Variants in CSRNP3 observed in about 807,000 individuals in gnomAD.
CSRNP3 encodes cysteine/serine-rich nuclear protein 3.
A neutral mutation model predicts 48.0 loss-of-function variants in CSRNP3; 12 were observed. The observed-to-expected ratio is 0.25, with a 90% CI of 0.16 to 0.41. The LOEUF (loss-of-function observed/expected upper bound fraction) is 0.41, where lower values mean the gene tolerates loss of function less well. Among genes scored for constraint, CSRNP3 ranks in the 10% least tolerant of loss-of-function variants. The probability of loss-of-function intolerance (pLI) is 1.00; values close to 1 mark genes in which losing one functional copy is unlikely to be tolerated. For synonymous variants in CSRNP3, 263 were observed against 269.7 expected (o/e 0.98, Z 0.24); for missense variants, 580 against 724.4 (o/e 0.80, Z 2.29).
intron 3 of CSRNP3, among the ~76,000 whole-genome samples, chr2:165,553,296 T>C (rs1384995857): frequency 6.6e-6 from 1 of 152,162 alleles, no homozygotes; most frequent in East Asian, 1.9e-4. Flanking sequence ...CCTTCTTTAC[T>C]AAAATAACCT....
intron 2 of CSRNP3, among the ~76,000 whole-genome samples, chr2:165,501,081 T>A (rs1448821271): frequency 1.3e-5 from 2 of 152,100 alleles, no homozygotes. Flanking sequence ...TTTATAGATA[T>A]ATATTTCAAG....
chr2:165,618,061 G>A (rs1333324652), intron 4 of CSRNP3, among the ~76,000 whole-genome samples: 1 of 152,222 alleles, frequency 6.6e-6, no homozygotes, highest in Non-Finnish European at 1.5e-5. Flanking sequence ...GGAGTGGGTA[G>A]GACCAAGCAT....
chr2:165,522,351 TCA>T (rs1025258282), intron 3 of CSRNP3, among the ~76,000 whole-genome samples: 1 of 152,054 alleles, frequency 6.6e-6, no homozygotes, highest in African/African-American at 2.4e-5. Flanking sequence ...ACTTTAAATA[TCA>T]GTTTCCCTTG....
intron 3 of CSRNP3, among the ~76,000 whole-genome samples, chr2:165,593,416 C>G (rs986450386): frequency 6.6e-6 from 1 of 152,170 alleles, no homozygotes; most frequent in Non-Finnish European, 1.5e-5. Flanking sequence ...GGCCCTACTT[C>G]CTGGGAATTT....
chr2:165,667,085 AAG>A (rs59873387), intron 5 of CSRNP3, among the ~76,000 whole-genome samples: 15 of 55,934 alleles, frequency 2.7e-4, no homozygotes, highest in Admixed American at 6.1e-4. Flanking sequence ...GAGAGAAAGA[AAG>A]AGAGAGAGAG....
At chr2:165,508,071 C>G (rs1213239995) in intron 2 of CSRNP3, among the ~76,000 whole-genome samples, 1 of 151,912 alleles carries the variant, frequency 6.6e-6, no homozygotes, top group African/African-American at 2.4e-5. Flanking sequence ...GTAAAGGTCT[C>G]CGTCTTTTAT....
intron 3 of CSRNP3, among the ~76,000 whole-genome samples, chr2:165,541,318 C>G (rs1394709398): frequency 6.6e-6 from 1 of 151,710 alleles, no homozygotes; most frequent in Admixed American, 6.6e-5. Context: ...AAGGAAAGAC[C>G]CTTTTGTTTT....
chr2:165,608,979 C>T (rs1451025902), intron 4 of CSRNP3, among the ~76,000 whole-genome samples: 23 of 145,820 alleles, frequency 1.6e-4, no homozygotes, highest in Admixed American at 1.5e-3. Flanking sequence ...TGGTGGCGGG[C>T]GCCTGTAGTC....
At position 165,532,141 on chromosome 2, in the gene CSRNP3, C is replaced by T. The variant is rs546312882; in HGVS notation, c.-24+14180C>T. On this transcript the variant is annotated intron_variant, in intron 3 of 6. Coordinates refer to ENST00000651982, the MANE Select transcript of CSRNP3 (RefSeq NM_001172173.2). ...ATTCTACCAGAGGTACAAAGAGGAGCTGGTACCATTCCTTCTGAAACTATT... is the reference window on the plus strand; with the variant it reads ...ATTCTACCAGAGGTACAAAGAGGAGTTGGTACCATTCCTTCTGAAACTATT... Among the ~76,000 whole-genome samples the T allele has an allele frequency of 1.3e-3, 200 of 152,220 alleles. 1 individual carries two copies. The highest frequency in any genetic ancestry group is 2.4e-3 in the Non-Finnish European group (165 of 68,012).
intron 4 of CSRNP3, among the ~76,000 whole-genome samples, chr2:165,609,465 GAAAAAAAAAAA>G (rs34249194): frequency 2.0e-5 from 2 of 97,572 alleles, no homozygotes; most frequent in African/African-American, 8.0e-5. Flanking sequence ...TCTAAAAAAA[GAAAAAAAAAAA>G]AAAAAAAAAA....
At chr2:165,566,101 A>G (rs1258736672) in intron 3 of CSRNP3, among the ~76,000 whole-genome samples, 1 of 151,978 alleles carries the variant, frequency 6.6e-6, no homozygotes, top group Non-Finnish European at 1.5e-5. Flanking sequence ...GAGTTATTTA[A>G]TAAAACTCAG....
intron 2 of CSRNP3, among the ~76,000 whole-genome samples, chr2:165,495,797 A>G (rs539340909): frequency 6.6e-6 from 1 of 152,074 alleles, no homozygotes; most frequent in African/African-American, 2.4e-5. Flanking sequence ...AAAATTATTC[A>G]ACATAAAAGA....
intron 2 of CSRNP3, among the ~76,000 whole-genome samples, chr2:165,513,841 A>T (rs191441876): frequency 1.5e-4 from 23 of 152,352 alleles, no homozygotes; most frequent in Admixed American, 1.2e-3. Flanking sequence ...GAAGCCAAAG[A>T]GGCTGGAACA....
At chr2:165,481,367 A>G (rs1305521703) in intron 1 of CSRNP3, among the ~76,000 whole-genome samples, 2 of 152,176 alleles carry the variant, frequency 1.3e-5, no homozygotes, top group East Asian at 3.9e-4. Flanking sequence ...TGCAAACCAG[A>G]CTGCTGGTGA....
intron 4 of CSRNP3, among the ~76,000 whole-genome samples, chr2:165,649,605 A>G (rs575586814): frequency 1.3e-5 from 2 of 152,330 alleles, no homozygotes; most frequent in Non-Finnish European, 2.9e-5. Flanking sequence ...CATGCACTAC[A>G]ATTTTAATAG....
At chr2:165,487,549 G>T (rs1684137405) in intron 1 of CSRNP3, among the ~76,000 whole-genome samples, 1 of 148,464 alleles carries the variant, frequency 6.7e-6, no homozygotes, top group South Asian at 2.2e-4. Context: ...CAGAGAGAAG[G>T]GTCGGGTTAC....
intron 3 of CSRNP3, among the ~76,000 whole-genome samples, chr2:165,550,587 A>G (rs1405086247): frequency 1.3e-5 from 2 of 152,228 alleles, no homozygotes; most frequent in East Asian, 3.8e-4. Flanking sequence ...AGCAAACCAA[A>G]AAAAGGCTTC....
chr2:165,669,724 C>G (rs1486547667), intron 5 of CSRNP3, among the ~76,000 whole-genome samples: 1 of 152,072 alleles, frequency 6.6e-6, no homozygotes, highest in African/African-American at 2.4e-5. Context: ...TGTAGAGAGT[C>G]TGAACAAGTT....
At chr2:165,624,743 C>T (rs1328478533) in intron 4 of CSRNP3, among the ~76,000 whole-genome samples, 1 of 152,192 alleles carries the variant, frequency 6.6e-6, no homozygotes, top group Non-Finnish European at 1.5e-5. Flanking sequence ...CTCCTCCTTC[C>T]CATCACCTCT....
Sources: gnomAD v4.1 joint callset for allele counts (sites outside exome capture counted in the v4.1 genomes callset) on GRCh38, gnomAD v4.1.1 for gene constraint, MANE v1.5 for transcripts, NCBI Gene and HGNC (gene_info 2026-07-23, HGNC 2026-07-21) for gene names.